The following LEMD1 variants were observed in gnomAD, a reference collection of about 807,000 sequenced individuals.
LEMD1 encodes the protein LEM domain containing 1.
Under a neutral mutation model 17.4 loss-of-function variants are expected in LEMD1, and 18 were observed. The ratio of observed to expected loss-of-function variants is 1.04; its 90% CI spans 0.72 to 1.54. The LOEUF (loss-of-function observed/expected upper bound fraction) is 1.54, where lower values mean the gene tolerates loss of function less well. LEMD1 is among the 40% of genes most tolerant of loss of function. The pLI, the probability that LEMD1 is intolerant of heterozygous loss-of-function variation, is 0.00. For missense variants in LEMD1, 195 were observed against 210.4 expected (o/e 0.93, Z 0.45); for synonymous variants, 88 against 77.8 (o/e 1.13, Z -0.69).
intron 2 of LEMD1, 118 bp downstream of exon 2, chr1:205,420,337 G>C: frequency 1.3e-6 from 1 of 770,696 alleles, no homozygotes; most frequent in South Asian, 1.6e-5. Context: ...GTGGTTTTCT[G>C]TTTTCTCTAT....
Position 205,448,190 on chromosome 1 carries a change from C to T in LEMD1, c.-39+1678G>A, listed in dbSNP as rs1666435757. On this transcript the variant is annotated intron_variant, in intron 1 of 3. Transcript: ENST00000367154. The surrounding 1 kb of genome is among the most constrained non-coding windows in gnomAD (Gnocchi z 4.7). ...CAAGGTCACACGGCTTAGCCCCGATCCCAGGTTACCAGATCCCGTGATGCC... is the reference window on the plus strand; with the variant it reads ...CAAGGTCACACGGCTTAGCCCCGATTCCAGGTTACCAGATCCCGTGATGCC... 2 of 439,516 alleles carry T rather than the reference C, an allele frequency of 4.6e-6. No individual in the cohort carries two copies. The allele number at this position is 439,516 out of a possible 1,614,324, so 27.2% of individuals were successfully genotyped here.
At chr1:205,449,070 C>T (rs1047131980) in intron 1 of LEMD1, among the ~76,000 whole-genome samples, 3 of 152,072 alleles carry the variant, frequency 2.0e-5, no homozygotes, top group African/African-American at 7.2e-5. Context: ...AGGGCTTCAG[C>T]TGAAACCTCC....
intron 4 of LEMD1, among the ~76,000 whole-genome samples, chr1:205,411,950 A>G (rs1449581219): frequency 6.6e-6 from 1 of 152,228 alleles, no homozygotes; most frequent in Admixed American, 6.5e-5. Flanking sequence ...TGTTGGATGC[A>G]GCAGCCCTCT....
intron 4 of LEMD1, among the ~76,000 whole-genome samples, chr1:205,414,783 G>C (rs1004719612): frequency 2.6e-5 from 4 of 152,092 alleles, no homozygotes; most frequent in African/African-American, 9.7e-5. Flanking sequence ...AGCTACTTGG[G>C]AGGCTGAGGG....
At chr1:205,431,446 C>T (rs375311412) in intron 1 of LEMD1, among the ~76,000 whole-genome samples, 24 of 152,346 alleles carry the variant, frequency 1.6e-4, no homozygotes, top group African/African-American at 5.8e-4. Context: ...CCTGCAAAAA[C>T]TTGTGGATAT....
intron 3 of LEMD1, among the ~76,000 whole-genome samples, chr1:205,418,788 T>A (rs1199593403): frequency 6.6e-6 from 1 of 152,206 alleles, no homozygotes; most frequent in Non-Finnish European, 1.5e-5. Context: ...AGTGCTGGAA[T>A]TACATGTAGG....
chr1:205,401,431 A>G (rs933102940), intron 4 of LEMD1, among the ~76,000 whole-genome samples: 11 of 151,540 alleles, frequency 7.3e-5, no homozygotes, highest in African/African-American at 1.2e-4. Flanking sequence ...TTTGATTTGC[A>G]TTTCTCTGAT....
chr1:205,420,380 T>C, intron 2 of LEMD1, 75 bp downstream of exon 2: 1 of 1,123,786 alleles, frequency 8.9e-7, no homozygotes, highest in South Asian at 1.2e-5. Context: ...CTTTACTGCA[T>C]ATGTTCCTTC....
chr1:205,420,605 G>T, intron 1 of LEMD1, 31 bp from the exon 2 acceptor site: 2 of 1,190,236 alleles, frequency 1.7e-6, no homozygotes, highest in South Asian at 1.2e-5. Flanking sequence ...AATTCATTAA[G>T]ACAGCCTTAC....
intron 2 of LEMD1, 135 bp downstream of exon 2, chr1:205,420,320 C>T (rs2102441104): frequency 1.5e-6 from 1 of 677,308 alleles, no homozygotes; most frequent in Non-Finnish European, 2.5e-6. Context: ...CCGCCTCTTC[C>T]CTCTTTGTGG....
At chr1:205,438,520 T>A (rs567310242) in intron 1 of LEMD1, among the ~76,000 whole-genome samples, 1 of 152,316 alleles carries the variant, frequency 6.6e-6, no homozygotes, top group African/African-American at 2.4e-5. Flanking sequence ...AGGGCACAGG[T>A]GTCCAGACTG....
At chr1:205,381,927 T>C in intron 5 of LEMD1, 71 bp from the exon 6 acceptor site, 7 of 1,496,148 alleles carry the variant, frequency 4.7e-6, no homozygotes, top group Non-Finnish European at 5.6e-6. Flanking sequence ...TTAAAGTGTG[T>C]GGGTCTTGAA....
chr1:205,381,394 C>T lies in LEMD1; in HGVS notation c.*264G>A. 1 of 484,762 alleles carries T rather than the reference C, an allele frequency of 2.1e-6. No homozygotes were observed. Among genetic ancestry groups the T allele is most frequent in the South Asian group, 2.7e-5 (1 of 37,210 alleles). The allele number at this position is 484,762 out of a possible 1,614,324, so 30.0% of individuals were successfully genotyped here. A position where few individuals can be genotyped will look rare whatever the true frequency, so the allele number is the denominator to read the frequency against. On this transcript the variant is annotated 3_prime_UTR_variant, in exon 6 of 6. Transcript: ENST00000367153. The stretch of plus-strand genomic sequence containing the variant: ...GCCAGACAGTTTCCTTGTTTGACGC[C>T]TGCTCAAATATGGAAGCACCTTTAA...
rs775857634 is a variant in LEMD1, at chr1:205,411,676, AAAG to A, written c.270+4553_270+4555del. Among the ~76,000 whole-genome samples, 696 of 81,010 alleles carry A rather than the reference AAAG, an allele frequency of 8.6e-3. 7 individuals are homozygous for A. Among genetic ancestry groups the A allele is most frequent in the Middle Eastern group, 0.031 (6 of 194 alleles). The allele number at this position is 81,010 out of a possible 152,430, so 53.1% of individuals were successfully genotyped here. A position where few individuals can be genotyped will look rare whatever the true frequency, so the allele number is the denominator to read the frequency against. ...AAGGAAAGAAAGAAAGAAAGAAAAGAAAGAAAGAAAGAAAGAAAGAAAAAGGAA... is the reference window on the plus strand; with the variant it reads ...AAGGAAAGAAAGAAAGAAAGAAAAGAAAAGAAAGAAAGAAAGAAAAAGGAA... On this transcript the variant is annotated intron_variant, in intron 4 of 5. Transcript: ENST00000367153.
At chr1:205,433,017 T>TA (rs1391439405) in intron 1 of LEMD1, among the ~76,000 whole-genome samples, 1 of 150,230 alleles carries the variant, frequency 6.7e-6, no homozygotes, top group Non-Finnish European at 1.5e-5. Context: ...CCTCTAAAAA[T>TA]AAAAAATATA....
intron 4 of LEMD1, among the ~76,000 whole-genome samples, chr1:205,398,605 A>C (rs988161330): frequency 2.6e-5 from 4 of 152,202 alleles, no homozygotes; most frequent in African/African-American, 7.2e-5. Context: ...ACACACTAAG[A>C]AAAGAGGCAG....
At chr1:205,404,061 G>C (rs1337233403) in intron 4 of LEMD1, among the ~76,000 whole-genome samples, 2 of 152,208 alleles carry the variant, frequency 1.3e-5, no homozygotes, top group African/African-American at 4.8e-5. Flanking sequence ...ATTGTGGTCT[G>C]AGAGACAGTT....
At chr1:205,407,912 A>C (rs6421771) in intron 4 of LEMD1, among the ~76,000 whole-genome samples, 46,739 of 151,988 alleles carry the variant, frequency 0.31, 7,534 homozygotes, top group African/African-American at 0.38. Context: ...GAGGAAAAAA[A>C]CCCACACATT....
chr1:205,425,579 G>C (rs1666043737), upstream of LEMD1, among the ~76,000 whole-genome samples: 1 of 152,164 alleles, frequency 6.6e-6, no homozygotes, highest in Non-Finnish European at 1.5e-5. Context: ...CAGGCACCCT[G>C]CTAAGGCTGC....
Sources: allele counts gnomAD v4.1 joint callset (sites outside exome capture counted in the v4.1 genomes callset), GRCh38; gene constraint gnomAD v4.1.1; non-coding constraint Gnocchi (gnomAD v3.1); transcripts MANE v1.5; gene names NCBI Gene and HGNC (gene_info 2026-07-23, HGNC 2026-07-21).